The following TAOK3 variants were observed in gnomAD, a reference collection of about 807,000 sequenced individuals.
TAOK3 encodes serine/threonine-protein kinase TAO3.
TAOK3 carries 40 observed loss-of-function variants against 120.4 expected under a neutral mutation model. That is an observed-to-expected ratio of 0.33 (90% CI 0.26 to 0.43). The LOEUF is 0.43. Ranked by LOEUF, TAOK3 falls within the 20% of genes least tolerant of loss-of-function variation. The pLI is 1.00. For missense variants in TAOK3, 821 were observed against 1,112.1 expected (o/e 0.74, Z 3.72); for synonymous variants, 355 against 387.5 (o/e 0.92, Z 0.99).
rs533299867 is a variant in TAOK3, at chr12:118,253,257, C to T, written c.120+2191G>A. On this transcript the variant is annotated intron_variant, in intron 3 of 20. Transcript: ENST00000392533. ...CATAAAATAATCTCATTTGGAAGGA[C>T]AACTAAAGATAAGCCCTATCCAGAT... Among the ~76,000 whole-genome samples, 7 of 152,148 alleles carry T rather than the reference C, an allele frequency of 4.6e-5. 1 individual carries two copies. Among genetic ancestry groups the T allele is most frequent in the African/African-American group, 1.7e-4 (7 of 41,506 alleles).
chr12:118,190,529 C>T (rs936961950), intron 13 of TAOK3: 1 of 152,496 alleles, frequency 6.6e-6, no homozygotes, highest in Non-Finnish European at 1.5e-5. Flanking sequence ...TGATCGTACA[C>T]AGTTCTAGCA....
At chr12:118,360,276 A>G (rs1277048376) in intron 1 of TAOK3, among the ~76,000 whole-genome samples, 4 of 145,432 alleles carry the variant, frequency 2.8e-5, no homozygotes, top group African/African-American at 1.0e-4. Context: ...AGAAAAAAAA[A>G]AAAAAGTATG....
rs80241602 is a variant in TAOK3 at position 118,211,277 on chromosome 12, C to A, written c.819+1637G>T. 6.9e-3 allele frequency among the ~76,000 whole-genome samples: 1,051 copies of A among 152,080 alleles called. 19 individuals carry two copies. Among genetic ancestry groups the A allele is most frequent in the African/African-American group, 0.023 (970 of 41,484 alleles). On this transcript the variant is annotated intron_variant, in intron 11 of 20. Coordinates refer to ENST00000392533, the MANE Select transcript of TAOK3 (RefSeq NM_016281.4). ...TTTCTTCAAGGATATCTTTAAAAAT[C>A]TTCTCCTCCATGTGTTTTGTTTTCT... is the stretch of plus-strand genomic sequence containing the variant.
intron 12 of TAOK3, 64 bp from the exon 13 acceptor site, chr12:118,199,321 A>G: frequency 7.5e-7 from 1 of 1,338,778 alleles, no homozygotes; most frequent in Admixed American, 1.8e-5. Context: ...TCCATTGACA[A>G]AAGTGTCAAG....
chr12:118,230,063 T>C (rs2039694821), intron 9 of TAOK3, among the ~76,000 whole-genome samples: 1 of 152,210 alleles, frequency 6.6e-6, no homozygotes, highest in Non-Finnish European at 1.5e-5. Context: ...ATTTTACAGA[T>C]GAGGAAACTG....
At chr12:118,172,412 A>G (rs768824888) in intron 17 of TAOK3, 45 bp downstream of exon 17, 1 of 1,592,628 alleles carries the variant, frequency 6.3e-7, no homozygotes, top group Non-Finnish European at 8.6e-7. Context: ...CACATAGCAT[A>G]TTGTCTCCTA....
chr12:118,271,682 A>G (rs1309020594), intron 1 of TAOK3, among the ~76,000 whole-genome samples: 1 of 152,192 alleles, frequency 6.6e-6, no homozygotes, highest in Non-Finnish European at 1.5e-5. Flanking sequence ...TCTTGAGCAT[A>G]TGCCTATGAG....
intron 9 of TAOK3, among the ~76,000 whole-genome samples, chr12:118,223,062 CTTTTTTTTT>C (rs75334511): frequency 2.5e-5 from 3 of 120,076 alleles, no homozygotes; most frequent in South Asian, 2.7e-4. Context: ...TTCTTTCTTT[CTTTTTTTTT>C]TTTTTTTTTT....
At chr12:118,212,727 AATAC>A (rs1162157706) in intron 11 of TAOK3, among the ~76,000 whole-genome samples, 183 bp downstream of exon 11, 1 of 152,222 alleles carries the variant, frequency 6.6e-6, no homozygotes, top group African/African-American at 2.4e-5. Flanking sequence ...ATCCACAGGG[AATAC>A]ATAGCACATA....
chr12:118,158,008 C>T (rs963673380), intron 19 of TAOK3, among the ~76,000 whole-genome samples: 1 of 152,168 alleles, frequency 6.6e-6, no homozygotes, highest in Non-Finnish European at 1.5e-5. Flanking sequence ...TAATGTCTCC[C>T]AGTCCCACCA....
chr12:118,283,776 AT>A (rs2042174458), intron 1 of TAOK3: 3 of 203,128 alleles, frequency 1.5e-5, no homozygotes, highest in Non-Finnish European at 1.0e-5. Flanking sequence ...ACCAGACAGA[AT>A]TTTTTATAGG....
chr12:118,354,356 C>T (rs933270044), intron 1 of TAOK3, among the ~76,000 whole-genome samples: 6 of 152,168 alleles, frequency 3.9e-5, no homozygotes, highest in South Asian at 2.1e-4. Context: ...CGAATAGGCA[C>T]GTAGCATCTA....
intron 1 of TAOK3, among the ~76,000 whole-genome samples, chr12:118,301,971 G>T (rs2042898810): frequency 6.6e-6 from 1 of 151,818 alleles, no homozygotes; most frequent in African/African-American, 2.4e-5. Flanking sequence ...TTTAACTTTT[G>T]CAGAGTTGCA....
At chr12:118,252,426 G>A (rs891010613) in intron 3 of TAOK3, among the ~76,000 whole-genome samples, 4 of 152,138 alleles carry the variant, frequency 2.6e-5, no homozygotes, top group Non-Finnish European at 5.9e-5. Flanking sequence ...TAAGGGGACG[G>A]AGAGGGTTCT....
intron 1 of TAOK3, chr12:118,358,908 A>G (rs1180255253): frequency 6.6e-6 from 1 of 152,196 alleles, no homozygotes; most frequent in African/African-American, 2.4e-5. Context: ...TAAAATACCA[A>G]TGACACTTAC....
chr12:118,183,276 A>C (rs998402873), intron 14 of TAOK3, among the ~76,000 whole-genome samples: 1 of 152,200 alleles, frequency 6.6e-6, no homozygotes, highest in Non-Finnish European at 1.5e-5. Context: ...CTGCATACTA[A>C]ATTGAGTCCT....
At chr12:118,282,882 C>T (rs954973871) in intron 1 of TAOK3, among the ~76,000 whole-genome samples, 3 of 152,184 alleles carry the variant, frequency 2.0e-5, no homozygotes, top group South Asian at 2.1e-4. Flanking sequence ...GTACTCCTTT[C>T]GCTGTATCCA....
intron 1 of TAOK3, among the ~76,000 whole-genome samples, chr12:118,267,900 A>T (rs1283108490): frequency 6.6e-6 from 1 of 151,196 alleles, no homozygotes; most frequent in Admixed American, 6.6e-5. Context: ...AAAAAAAAAA[A>T]AAGGAAAGAA....
chr12:118,356,360 C>T lies in TAOK3; in HGVS notation c.-194+16288G>A, dbSNP rs568443131. Among the ~76,000 whole-genome samples, 9 of 141,604 alleles carry T rather than the reference C, an allele frequency of 6.4e-5. No individual in the cohort carries two copies. The South Asian group carries it at 2.0e-3, about 31-fold the overall frequency. 92.9% of individuals were successfully genotyped at this position (141,604 alleles called of 152,430 possible). On this transcript the variant is annotated intron_variant, in intron 1 of 20. Coordinates refer to ENST00000392533, the MANE Select transcript of TAOK3 (RefSeq NM_016281.4). ...TGTCGCTCAGGTTGGAGTGCAGTGG[C>T]ACAATCTCAGCTCACCGCAACCTCC...
Sources: allele counts gnomAD v4.1 joint callset (sites outside exome capture counted in the v4.1 genomes callset), GRCh38; gene constraint gnomAD v4.1.1; transcripts MANE v1.5; gene names NCBI Gene and HGNC (gene_info 2026-07-23, HGNC 2026-07-21).